Variants in GABRG3 observed in about 807,000 individuals in gnomAD.
GABRG3 encodes the protein gamma-aminobutyric acid receptor subunit gamma-3.
Under a neutral mutation model 48.8 loss-of-function variants are expected in GABRG3, and 25 were observed. The ratio of observed to expected loss-of-function variants is 0.51; its 90% confidence interval spans 0.37 to 0.72. The LOEUF (loss-of-function observed/expected upper bound fraction) is 0.72, where lower values mean the gene tolerates loss of function less well. Among genes scored for constraint, GABRG3 ranks in the 30% least tolerant of loss-of-function variants. The pLI, the probability that GABRG3 is intolerant of heterozygous loss-of-function variation, is 0.00. For missense variants in GABRG3, 394 were observed against 577.9 expected (o/e 0.68, Z 3.26); for synonymous variants, 227 against 217.6 (o/e 1.04, Z -0.38).
intron 5 of GABRG3, among the ~76,000 whole-genome samples, chr15:27,454,018 C>T (rs1420121953): frequency 6.6e-6 from 1 of 152,184 alleles, no homozygotes; most frequent in African/African-American, 2.4e-5. Context: ...CTAGAGAGCT[C>T]CACAGTCCAC....
At chr15:27,255,690 A>G (rs1392248010) in intron 3 of GABRG3, among the ~76,000 whole-genome samples, 1 of 152,124 alleles carries the variant, frequency 6.6e-6, no homozygotes, top group Non-Finnish European at 1.5e-5. Flanking sequence ...TATCACATGC[A>G]TCCTCCCAGA....
chr15:27,234,675 G>A (rs1889901373), intron 3 of GABRG3, among the ~76,000 whole-genome samples: 1 of 152,204 alleles, frequency 6.6e-6, no homozygotes, highest in Non-Finnish European at 1.5e-5. Flanking sequence ...TAGTTACTAA[G>A]TAGGTGTCTC....
intron 3 of GABRG3, among the ~76,000 whole-genome samples, chr15:27,207,641 G>A (rs1888898668): frequency 1.3e-5 from 2 of 152,352 alleles, no homozygotes; most frequent in South Asian, 4.1e-4. Context: ...CGTGGAAACT[G>A]TGGGGGACAC....
intron 3 of GABRG3, among the ~76,000 whole-genome samples, chr15:27,159,093 G>A (rs541940009): frequency 1.2e-4 from 18 of 151,186 alleles, no homozygotes; most frequent in African/African-American, 3.9e-4. Flanking sequence ...CTTCCTCCAC[G>A]CCCTCCTCCT....
chr15:27,245,931 G>C (rs1890255753), intron 3 of GABRG3, among the ~76,000 whole-genome samples: 1 of 152,212 alleles, frequency 6.6e-6, no homozygotes, highest in Non-Finnish European at 1.5e-5. Flanking sequence ...GGCGACACCA[G>C]CATCTGCTTC....
intron 3 of GABRG3, among the ~76,000 whole-genome samples, chr15:27,325,763 T>G (rs1893592438): frequency 6.6e-6 from 1 of 152,118 alleles, no homozygotes. Context: ...CATTAGTTAA[T>G]GAAAGACCAG....
intron 3 of GABRG3, among the ~76,000 whole-genome samples, chr15:27,100,780 A>C (rs569618976): frequency 4.6e-5 from 7 of 152,224 alleles, no homozygotes; most frequent in Non-Finnish European, 1.0e-4. Flanking sequence ...ATACTTATTC[A>C]TGATAAAAAC....
chr15:27,112,328 GA>G (rs1307451885), intron 3 of GABRG3, among the ~76,000 whole-genome samples: 2 of 152,146 alleles, frequency 1.3e-5, no homozygotes, highest in East Asian at 3.8e-4. Flanking sequence ...TGTAAAGCAG[GA>G]GTAACAACAT....
intron 3 of GABRG3, among the ~76,000 whole-genome samples, chr15:27,275,185 A>G (rs1356531328): frequency 6.6e-6 from 1 of 152,228 alleles, no homozygotes; most frequent in African/African-American, 2.4e-5. Flanking sequence ...CATGCATGTG[A>G]CAGTCTCAAA....
intron 3 of GABRG3, among the ~76,000 whole-genome samples, chr15:27,198,434 A>G (rs1397220741): frequency 6.6e-6 from 1 of 152,252 alleles, no homozygotes; most frequent in Non-Finnish European, 1.5e-5. Flanking sequence ...TGCAAATCAA[A>G]ACCACAATGT....
chr15:26,993,199 A>G (rs1895278680), intron 2 of GABRG3, among the ~76,000 whole-genome samples: 1 of 151,828 alleles, frequency 6.6e-6, no homozygotes, highest in South Asian at 2.1e-4. Context: ...TTCACTTCAA[A>G]TTCTTTTATA....
chr15:27,165,185 T>C (rs1201470998), intron 3 of GABRG3, among the ~76,000 whole-genome samples: 2 of 152,214 alleles, frequency 1.3e-5, no homozygotes, highest in East Asian at 3.9e-4. Context: ...TTTTCTTTCC[T>C]TTTTGCCTGA....
chr15:27,045,908 G>A (rs2140704550), intron 3 of GABRG3, among the ~76,000 whole-genome samples: 1 of 152,144 alleles, frequency 6.6e-6, no homozygotes, highest in East Asian at 1.9e-4. Flanking sequence ...CTAAATGCAT[G>A]GAGAAACACT....
chr15:27,369,602 G>T (rs1038482122), intron 5 of GABRG3, among the ~76,000 whole-genome samples: 1 of 152,034 alleles, frequency 6.6e-6, no homozygotes, highest in Non-Finnish European at 1.5e-5. Flanking sequence ...CGGATCATGA[G>T]GTCAGGAGAT....
intron 6 of GABRG3, among the ~76,000 whole-genome samples, chr15:27,497,612 C>T (rs962308541): frequency 3.3e-5 from 5 of 152,102 alleles, no homozygotes; most frequent in Non-Finnish European, 4.4e-5. Flanking sequence ...GAAAATGACT[C>T]GGAGTTCAGA....
chr15:27,481,152 A>C lies in GABRG3; in HGVS notation c.712+365A>C, dbSNP rs1343138065. ...AATATTATTGAGAATCCACACATAA[A>C]AGAAGCTGGTGTGATATGTCCTTTG... On this transcript the variant is annotated intron_variant, in intron 6 of 9. Transcript: ENST00000615808. 2.9e-6 allele frequency: 3 copies of C among 1,041,050 alleles called. No homozygotes were observed. In the Admixed American group the frequency reaches 1.6e-4, roughly 54 times the overall value. The allele number at this position is 1,041,050 out of a possible 1,614,324, so 64.5% of individuals were successfully genotyped here. A position where few individuals can be genotyped will look rare whatever the true frequency, so the allele number is the denominator to read the frequency against.
intron 5 of GABRG3, among the ~76,000 whole-genome samples, chr15:27,350,880 GTGTGTGTGTCGTGTGTGTT>G (rs1269689249): frequency 1.3e-3 from 5 of 3,976 alleles, no homozygotes; most frequent in Non-Finnish European, 2.2e-3. Flanking sequence ...TGTGAATGGT[GTGTGTGTGTCGTGTGTGTT>G]TGTGTGTGTG....
At chr15:27,260,532 G>A (rs564533502) in intron 3 of GABRG3, among the ~76,000 whole-genome samples, 10 of 152,114 alleles carry the variant, frequency 6.6e-5, no homozygotes, top group South Asian at 2.1e-4. Context: ...TCAACCAATC[G>A]TAAATAAAAA....
intron 5 of GABRG3, among the ~76,000 whole-genome samples, chr15:27,356,374 TG>T (rs1330709794): frequency 6.6e-6 from 1 of 152,224 alleles, no homozygotes; most frequent in Non-Finnish European, 1.5e-5. Flanking sequence ...CATCTCCCGC[TG>T]GGCCTCAACA....
Sources: allele counts gnomAD v4.1 joint callset (sites outside exome capture counted in the v4.1 genomes callset), GRCh38; gene constraint gnomAD v4.1.1; transcripts MANE v1.5; gene names NCBI Gene and HGNC (gene_info 2026-07-23, HGNC 2026-07-21).